RAB3GAP2: variants seen among roughly 807,000 people sequenced by gnomAD.
RAB3GAP2 encodes the protein RAB3 GTPase activating non-catalytic protein subunit 2, also known as rab3 GTPase-activating protein non-catalytic subunit.
Under a neutral mutation model 185.3 loss-of-function variants are expected in RAB3GAP2, and 87 were observed. The ratio of observed to expected loss-of-function variants is 0.47; its 90% CI spans 0.39 to 0.56. RAB3GAP2 has a LOEUF of 0.56. Among genes scored for constraint, RAB3GAP2 ranks in the 20% least tolerant of loss-of-function variants. The pLI, the probability that RAB3GAP2 is intolerant of heterozygous loss-of-function variation, is 0.00. For missense variants in RAB3GAP2, 1,492 were observed against 1,638.2 expected (o/e 0.91, Z 1.54); for synonymous variants, 554 against 576.1 (o/e 0.96, Z 0.55).
Position 220,205,957 on chromosome 1 carries a change from C to T in RAB3GAP2, c.662G>A (p.Gly221Glu), listed in dbSNP as rs745326087. The change falls in exon 8 of 35, where the codon GGA becomes GAA. Residue 221 changes from glycine (G) to glutamate (E), a missense_variant. By Grantham distance (98) the Gly-to-Glu change is moderately conservative. Around this residue, in one of 5 missense-constraint regions of RAB3GAP2, gnomAD observed 243 missense variants for 314.8 expected, o/e 0.77. Transcript: ENST00000358951. ...ACGAAGAGATTGAAAAAGGCTAAAT[C>T]CATCAATAGTCACAATGGCAGCTGG... Reference protein sequence around the residue: ...LYPAAIVTIDGFSLFQSLRAC... With the variant: ...LYPAAIVTIDEFSLFQSLRAC... The T allele has an allele frequency of 6.2e-7, 1 of 1,611,858 alleles. No individual in the cohort carries two copies. Among genetic ancestry groups the T allele is most frequent in the South Asian group, 1.1e-5 (1 of 90,932 alleles).
chr1:220,242,397 G>T (rs1485346427), intron 1 of RAB3GAP2, among the ~76,000 whole-genome samples: 3 of 151,942 alleles, frequency 2.0e-5, no homozygotes, highest in African/African-American at 7.3e-5. Flanking sequence ...GCCTAAAGTG[G>T]TGTATAATTT....
intron 12 of RAB3GAP2, among the ~76,000 whole-genome samples, chr1:220,194,875 A>C (rs1658693797): frequency 6.6e-6 from 1 of 152,248 alleles, no homozygotes; most frequent in Non-Finnish European, 1.5e-5. Flanking sequence ...CTAGTATATA[A>C]CAGGGATAAA....
intron 17 of RAB3GAP2, among the ~76,000 whole-genome samples, chr1:220,188,317 T>A (rs1658543227): frequency 6.6e-6 from 1 of 152,172 alleles, no homozygotes; most frequent in Non-Finnish European, 1.5e-5. Context: ...ATGATTAACA[T>A]ACATGAAATA....
At chr1:220,249,202 C>A (rs1312361199) in intron 1 of RAB3GAP2, among the ~76,000 whole-genome samples, 1 of 152,092 alleles carries the variant, frequency 6.6e-6, no homozygotes, top group East Asian at 1.9e-4. Context: ...TTTCTAGAGA[C>A]TTGGGGGCTC....
intron 26 of RAB3GAP2, among the ~76,000 whole-genome samples, chr1:220,165,731 C>G (rs1453028762): frequency 6.6e-6 from 1 of 152,196 alleles, no homozygotes; most frequent in Non-Finnish European, 1.5e-5. Flanking sequence ...ATGTTAGGCA[C>G]TATGCATTCA....
chr1:220,235,328 T>G (rs201887416), intron 1 of RAB3GAP2, among the ~76,000 whole-genome samples: 1 of 152,196 alleles, frequency 6.6e-6, no homozygotes. Flanking sequence ...GAAACAATTG[T>G]CTTATTGTGA....
In RAB3GAP2 at chr1:220,257,119, C is replaced by T. The variant is rs528523541; in HGVS notation, c.115+15104G>A. 2.4e-4 allele frequency among the ~76,000 whole-genome samples: 37 copies of T among 152,286 alleles called. 2 individuals carry two copies. In the South Asian group the frequency reaches 7.7e-3, roughly 32 times the overall value. The stretch of plus-strand genomic sequence containing the variant: ...AAAGGCTGGGCGTCGTGGCTCATGC[C>T]TGTAATCCCAGCATTTTGGGAGGCT... On this transcript the variant is annotated intron_variant, in intron 1 of 34. Transcript: ENST00000358951.
At chr1:220,232,385 T>C (rs943390447) in intron 2 of RAB3GAP2, among the ~76,000 whole-genome samples, 2 of 152,128 alleles carry the variant, frequency 1.3e-5, no homozygotes, top group South Asian at 2.1e-4. Context: ...GTGAATTTGT[T>C]ATAAAAAGAG....
intron 2 of RAB3GAP2, chr1:220,219,742 G>A (rs915304165): frequency 1.3e-5 from 2 of 152,170 alleles, no homozygotes; most frequent in African/African-American, 4.8e-5. Flanking sequence ...TGAAAATATT[G>A]GTATAGTGGA....
chr1:220,216,269 A>T (rs1659200503), intron 2 of RAB3GAP2, among the ~76,000 whole-genome samples: 1 of 152,226 alleles, frequency 6.6e-6, no homozygotes, highest in African/African-American at 2.4e-5. Context: ...TCATTTTATT[A>T]AAGCTCTACT....
chr1:220,234,279 G>C (rs772243369), intron 1 of RAB3GAP2, among the ~76,000 whole-genome samples: 1 of 151,528 alleles, frequency 6.6e-6, no homozygotes, highest in Non-Finnish European at 1.5e-5. Flanking sequence ...AATTCTGGGG[G>C]GAAAACAATT....
intron 6 of RAB3GAP2, 128 bp downstream of exon 6, chr1:220,210,673 T>C: frequency 9.0e-7 from 1 of 1,113,590 alleles, no homozygotes; most frequent in South Asian, 1.3e-5. Flanking sequence ...TCCCGGCCTC[T>C]ACCCCCATAA....
At chr1:220,181,967 G>A (rs892608162) in intron 21 of RAB3GAP2, among the ~76,000 whole-genome samples, 1 of 151,934 alleles carries the variant, frequency 6.6e-6, no homozygotes, top group Non-Finnish European at 1.5e-5. Flanking sequence ...CCAGGAGGTT[G>A]GGGCCACAGT....
chr1:220,257,844 A>T (rs1275206370), intron 1 of RAB3GAP2, among the ~76,000 whole-genome samples: 9 of 152,182 alleles, frequency 5.9e-5, no homozygotes, highest in Admixed American at 5.9e-4. Context: ...AGACTAATAA[A>T]GAAGAAAAGA....
rs1464484957 is a variant in RAB3GAP2, at chr1:220,150,996, G to C, written c.*255C>G. The stretch of plus-strand genomic sequence containing the variant: ...TAAAGCTACTTAAGTGTTTGAATTA[G>C]AAATAAACAGTAAAACATCTGTATT... On this transcript the variant is annotated 3_prime_UTR_variant, in exon 35 of 35. Coordinates refer to ENST00000358951, the MANE Select transcript of RAB3GAP2 (RefSeq NM_012414.4). 2.3e-6 allele frequency: 1 copy of C among 436,768 alleles called. No homozygotes were observed. Among genetic ancestry groups the C allele is most frequent in the African/African-American group, 2.0e-5 (1 of 49,454 alleles). 27.1% of individuals were successfully genotyped at this position (436,768 alleles called of 1,614,324 possible). A position where few individuals can be genotyped will look rare whatever the true frequency, so the allele number is the denominator to read the frequency against.
chr1:220,182,489 T>C, intron 20 of RAB3GAP2, 135 bp from the exon 21 acceptor site: 5 of 1,500,218 alleles, frequency 3.3e-6, no homozygotes, highest in Non-Finnish European at 4.5e-6. Flanking sequence ...TCAATTTGCT[T>C]GATTTATTAA....
At position 220,162,240 on chromosome 1, in the gene RAB3GAP2, G is replaced by C. The variant is rs760241426; in HGVS notation, c.3183C>G (p.Phe1061Leu). ...NGIALMMWNT[F>L]LVKRFSAATY... ...TAGCAGCAGAAAATCTTTTAACTAA[G>C]AACGTATTCCACATCATCAGTGCAA... The change falls in exon 28 of 35, where the codon TTC becomes TTG. Residue 1061 changes from phenylalanine (F) to leucine (L), a missense_variant. Phe to Leu is a conservative substitution (Grantham distance 22). This residue lies in a region of RAB3GAP2 where 387 missense variants were observed against 455.3 expected (regional missense o/e 0.85). Transcript: ENST00000358951. 4 of 1,596,256 alleles carry C rather than the reference G, an allele frequency of 2.5e-6. No individual in the cohort carries two copies. Among genetic ancestry groups the C allele is most frequent in the Non-Finnish European group, 3.4e-6 (4 of 1,164,212 alleles).
chr1:220,210,518 C>T (rs1339402491), intron 6 of RAB3GAP2, 29 bp from the exon 7 acceptor site: 2 of 1,542,622 alleles, frequency 1.3e-6, no homozygotes, highest in South Asian at 2.2e-5. Flanking sequence ...AAGGGCCCTG[C>T]TTGTTTTCTT....
intron 1 of RAB3GAP2, among the ~76,000 whole-genome samples, chr1:220,234,562 T>C (rs1659559338): frequency 6.6e-6 from 1 of 152,236 alleles, no homozygotes; most frequent in Admixed American, 6.5e-5. Context: ...AAGAGTTCCA[T>C]ATACAAGTCA....
Sources: allele counts gnomAD v4.1 joint callset (sites outside exome capture counted in the v4.1 genomes callset), GRCh38; gene constraint gnomAD v4.1.1; regional missense constraint gnomAD v4.1.1; transcripts MANE v1.5; gene names NCBI Gene and HGNC (gene_info 2026-07-23, HGNC 2026-07-21).